Variants in SLC22A2 observed in about 807,000 individuals in gnomAD.
SLC22A2 encodes solute carrier family 22 member 2.
SLC22A2 carries 46 observed loss-of-function variants against 60.5 expected under a neutral mutation model. The ratio of observed to expected loss-of-function variants is 0.76; its 90% CI spans 0.60 to 0.97. The LOEUF (loss-of-function observed/expected upper bound fraction) is 0.97, where lower values mean the gene tolerates loss of function less well. SLC22A2 is among the 50% of genes least tolerant of loss of function. SLC22A2 has a pLI of 0.00. For missense variants in SLC22A2, 701 were observed against 706.6 expected (o/e 0.99, Z 0.09); for synonymous variants, 303 against 267.0 (o/e 1.13, Z -1.31).
At chr6:160,238,098 T>C (rs1782939448) in intron 9 of SLC22A2, among the ~76,000 whole-genome samples, 3 of 152,234 alleles carry the variant, frequency 2.0e-5, no homozygotes, top group Admixed American at 6.5e-5. Context: ...CATTCTTTAT[T>C]TGTTTACTTT....
intron 9 of SLC22A2, among the ~76,000 whole-genome samples, chr6:160,240,481 C>A (rs915226476): frequency 6.6e-6 from 1 of 152,146 alleles, no homozygotes; most frequent in African/African-American, 2.4e-5. Flanking sequence ...ACCTAAAATT[C>A]TTGTCTACAG....
At chr6:160,242,504 T>C (rs1014599187) in intron 7 of SLC22A2, 102 bp from the exon 8 acceptor site, 4 of 743,856 alleles carry the variant, frequency 5.4e-6, no homozygotes, top group African/African-American at 5.2e-5. Context: ...CATCCCAGAA[T>C]GGGACAAGAA....
intron 9 of SLC22A2, among the ~76,000 whole-genome samples, chr6:160,230,871 A>G (rs1337906291): frequency 6.6e-6 from 1 of 151,882 alleles, no homozygotes; most frequent in Non-Finnish European, 1.5e-5. Context: ...GGACTGTCCA[A>G]CTTGCCCCGC....
chr6:160,254,846 C>A (rs545396179), intron 2 of SLC22A2, among the ~76,000 whole-genome samples: 1 of 152,322 alleles, frequency 6.6e-6, no homozygotes, highest in South Asian at 2.1e-4. Context: ...CACAGGAATG[C>A]ACTGTCAGTA....
chr6:160,258,660 A>G lies in SLC22A2; in HGVS notation c.98T>C (p.Phe33Ser). 6.2e-7 allele frequency: 1 copy of G among 1,613,596 alleles called. No individual in the cohort carries two copies. Among genetic ancestry groups the G allele is most frequent in the Non-Finnish European group, 8.5e-7 (1 of 1,179,808 alleles). ...FFLLALLSATFAPIYVGIVFL... is the reference protein window; with the variant it reads ...FFLLALLSATSAPIYVGIVFL... Reference sequence around the variant, plus strand: ...GACGATGCCCACGTAGATGGGCGCGAAGGTAGCCGAGAGCAGAGCCAAGAG... The same window carrying G: ...GACGATGCCCACGTAGATGGGCGCGGAGGTAGCCGAGAGCAGAGCCAAGAG... Residue 33 changes from phenylalanine (F) to serine (S), a missense_variant, in exon 1 of 11, where the codon TTC (phenylalanine) becomes TCC (serine). By Grantham distance (155) the Phe-to-Ser change is radical. Transcript: ENST00000366953.
At chr6:160,245,693 C>CCT (rs1265787147) in intron 5 of SLC22A2, 148 bp from the exon 6 acceptor site, 1 of 268,302 alleles carries the variant, frequency 3.7e-6, no homozygotes, top group Non-Finnish European at 6.4e-6. Context: ...TGTCCCATTT[C>CCT]ATTTTTTTTT....
chr6:160,219,192 C>CAGTAGCAACAAT (rs1177719921), intron 10 of SLC22A2, among the ~76,000 whole-genome samples: 1 of 77,262 alleles, frequency 1.3e-5, no homozygotes, highest in Non-Finnish European at 2.9e-5. Flanking sequence ...GCAGCAACAA[C>CAGTAGCAACAAT]AGTAGCAGCA....
chr6:160,234,666 A>T (rs765054022), intron 9 of SLC22A2, among the ~76,000 whole-genome samples: 6 of 152,244 alleles, frequency 3.9e-5, no homozygotes, highest in Non-Finnish European at 7.3e-5. Flanking sequence ...GGTTTCCACC[A>T]TCCAACAGAT....
rs368706079 is a variant in SLC22A2, at chr6:160,231,478, C to T, written c.1502-6674G>A. ...ATCTAATCACCCTTACCCTACTCAG[C>T]GCCAATATCTCATCCTGCAGCATGC... On this transcript the variant is annotated intron_variant, in intron 9 of 10. Transcript: ENST00000366953. Among the ~76,000 whole-genome samples the T allele has an allele frequency of 2.2e-4, 33 of 151,814 alleles. 1 individual carries two copies. The highest frequency in any genetic ancestry group is 4.9e-4 in the African/African-American group (20 of 41,124).
intron 10 of SLC22A2, among the ~76,000 whole-genome samples, chr6:160,222,190 T>C (rs1337854813): frequency 6.6e-6 from 1 of 152,214 alleles, no homozygotes; most frequent in Non-Finnish European, 1.5e-5. Flanking sequence ...GTTATATTTG[T>C]AACTAGGACA....
chr6:160,250,811 A>C (rs1383630108), intron 2 of SLC22A2, 109 bp from the exon 3 acceptor site: 1 of 1,097,624 alleles, frequency 9.1e-7, no homozygotes, highest in Non-Finnish European at 1.3e-6. Context: ...GGTTAACTTT[A>C]AATTTTATGA....
At chr6:160,249,451 G>C (rs1235750209) in intron 3 of SLC22A2, 67 bp from the exon 4 acceptor site, 1 of 1,289,678 alleles carries the variant, frequency 7.8e-7, no homozygotes, top group Non-Finnish European at 1.1e-6. Flanking sequence ...CAGCTATCAG[G>C]AAACTAGAAC....
chr6:160,239,155 G>A (rs1030940386), intron 9 of SLC22A2, among the ~76,000 whole-genome samples: 109 of 152,140 alleles, frequency 7.2e-4, no homozygotes, highest in Non-Finnish European at 2.8e-4. Context: ...GCATTAGCAT[G>A]TTAAAAGACA....
chr6:160,246,415 C>T (rs879397909), intron 5 of SLC22A2, among the ~76,000 whole-genome samples: 2 of 152,166 alleles, frequency 1.3e-5, no homozygotes, highest in Non-Finnish European at 2.9e-5. Context: ...ACGAACACCT[C>T]TGTAACTGGA....
chr6:160,249,344 C>A lies in SLC22A2; in HGVS notation c.714G>T (p.Gly238=). The part of the protein sequence containing the change: ...FVGRRYRRTV[G]IFYQVAYTVG... The stretch of plus-strand genomic sequence containing the variant: ...CTGTATAGGCAACTTGGTAAAAAAT[C>A]CCCACTGTTCTCCGATATCTCCGCC... Residue 238 remains glycine (G), a synonymous_variant, in exon 4 of 11, where the codon GGG becomes GGT. Coordinates refer to ENST00000366953, the MANE Select transcript of SLC22A2 (RefSeq NM_003058.4). 6.2e-7 allele frequency: 1 copy of A among 1,613,610 alleles called. No homozygotes were observed. The highest frequency in any genetic ancestry group is 8.5e-7 in the Non-Finnish European group (1 of 1,179,770).
intron 2 of SLC22A2, among the ~76,000 whole-genome samples, chr6:160,252,965 A>G (rs984795551): frequency 2.2e-4 from 33 of 152,348 alleles, no homozygotes; most frequent in African/African-American, 7.7e-4. Context: ...GTGTTTTGGA[A>G]GATCCCATAT....
intron 2 of SLC22A2, among the ~76,000 whole-genome samples, chr6:160,255,424 G>A (rs1002511485): frequency 6.6e-6 from 1 of 152,106 alleles, no homozygotes; most frequent in African/African-American, 2.4e-5. Context: ...TATAATCAGA[G>A]AAAATGTTCT....
chr6:160,237,070 T>G (rs1199579992), intron 9 of SLC22A2, among the ~76,000 whole-genome samples: 1 of 152,178 alleles, frequency 6.6e-6, no homozygotes, highest in African/African-American at 2.4e-5. Context: ...TCAAGAACAA[T>G]GGTATACCTG....
Position 160,258,524 on chromosome 6 carries a change from T to C in SLC22A2, c.234A>G (p.Pro78=), listed in dbSNP as rs1239790201. The C allele has an allele frequency of 6.2e-7, 1 of 1,614,140 alleles. No individual in the cohort carries two copies. The highest frequency in any genetic ancestry group is 1.1e-5 in the South Asian group (1 of 91,080). Residue 78 remains proline, a synonymous_variant, in exon 1 of 11, where the codon CCA becomes CCG. Coordinates refer to ENST00000366953, the MANE Select transcript of SLC22A2 (RefSeq NM_003058.4). ...AEELNYTVPG[P]GPAGEASPRQ... Reference sequence around the variant, plus strand: ...TTGGGGAGGCTTCGCCCGCAGGTCCTGGGCCCGGCACCGTGTAGTTCAGTT... The same window carrying C: ...TTGGGGAGGCTTCGCCCGCAGGTCCCGGGCCCGGCACCGTGTAGTTCAGTT...
Sources: gnomAD v4.1 joint callset for allele counts (sites outside exome capture counted in the v4.1 genomes callset) on GRCh38, gnomAD v4.1.1 for gene constraint, MANE v1.5 for transcripts, NCBI Gene and HGNC (gene_info 2026-07-23, HGNC 2026-07-21) for gene names.